SPATA16: variants seen among roughly 807,000 people sequenced by gnomAD.
SPATA16 encodes spermatogenesis associated 16, also known as spermatogenesis-associated protein 16.
In SPATA16, 36 loss-of-function variants were observed where a neutral mutation model predicts 63.3. That is an observed-to-expected ratio of 0.57 (90% CI 0.44 to 0.75). SPATA16 has a LOEUF of 0.75. Among genes scored for constraint, SPATA16 ranks in the 30% least tolerant of loss-of-function variants. SPATA16 has a pLI of 0.00. For missense variants in SPATA16, 646 were observed against 679.3 expected, an observed-to-expected ratio of 0.95 and a Z score of 0.54; for synonymous variants, 203 against 216.7, an observed-to-expected ratio of 0.94 and a Z score of 0.56.
intron 7 of SPATA16, among the ~76,000 whole-genome samples, chr3:172,924,872 G>A (rs73175060): frequency 0.018 from 2,665 of 152,172 alleles, 36 homozygotes; most frequent in South Asian, 0.03. Flanking sequence ...TGAAAGTTTC[G>A]ACTCGGATTA....
chr3:173,063,637 T>C (rs1011426174), intron 2 of SPATA16, among the ~76,000 whole-genome samples: 2 of 152,210 alleles, frequency 1.3e-5, no homozygotes, highest in South Asian at 4.1e-4. Flanking sequence ...GGATAATAAC[T>C]GAGCTTTTAT....
intron 2 of SPATA16, among the ~76,000 whole-genome samples, chr3:173,081,570 G>C (rs1736923540): frequency 6.6e-6 from 1 of 152,124 alleles, no homozygotes; most frequent in African/African-American, 2.4e-5. Context: ...TAACAAGCAG[G>C]GGGCAATTTT....
At chr3:173,072,145 A>G (rs990964322) in intron 2 of SPATA16, among the ~76,000 whole-genome samples, 5 of 152,234 alleles carry the variant, frequency 3.3e-5, no homozygotes, top group Admixed American at 6.5e-5. Context: ...TCACAGTAGC[A>G]AAGACATGGA....
At chr3:172,953,834 T>C (rs1486007379) in intron 6 of SPATA16, among the ~76,000 whole-genome samples, 1 of 152,150 alleles carries the variant, frequency 6.6e-6, no homozygotes, top group East Asian at 1.9e-4. Flanking sequence ...CTGGTGAATG[T>C]GGTTAGATAG....
rs56043835 is a variant in SPATA16, at chr3:172,965,819, G to A, written c.934-8995C>T. On this transcript the variant is annotated intron_variant, in intron 5 of 10. Coordinates refer to ENST00000351008, the MANE Select transcript of SPATA16 (RefSeq NM_031955.6). ...TCTCGATCTCTTGACCTTGTGATCC[G>A]CCCGCCTAGGCCTCCCAAAGTGTTG... is the stretch of plus-strand genomic sequence containing the variant. 4.6e-5 allele frequency among the ~76,000 whole-genome samples: 7 copies of A among 151,960 alleles called. No individual in the cohort carries two copies. The East Asian group carries it at 5.8e-4, about 13-fold the overall frequency.
At chr3:172,974,261 T>C (rs1734107164) in intron 5 of SPATA16, among the ~76,000 whole-genome samples, 1 of 152,142 alleles carries the variant, frequency 6.6e-6, no homozygotes, top group African/African-American at 2.4e-5. Flanking sequence ...GTATGGATTT[T>C]ATAGGGTTGA....
intron 5 of SPATA16, among the ~76,000 whole-genome samples, chr3:172,975,602 A>G (rs1488112014): frequency 2.6e-5 from 4 of 152,128 alleles, no homozygotes; most frequent in Admixed American, 2.6e-4. Flanking sequence ...TTCATCAGCC[A>G]TTACTGCTGT....
intron 3 of SPATA16, among the ~76,000 whole-genome samples, chr3:173,030,054 TTTA>T (rs1735565183): frequency 8.1e-6 from 1 of 123,264 alleles, no homozygotes; most frequent in Non-Finnish European, 1.7e-5. Context: ...GAGTGGTTAC[TTTA>T]CTATCTATCT....
intron 10 of SPATA16, among the ~76,000 whole-genome samples, chr3:172,903,492 C>G (rs568761495): frequency 6.6e-6 from 1 of 152,168 alleles, no homozygotes; most frequent in Non-Finnish European, 1.5e-5. Flanking sequence ...TCAAGACCCC[C>G]TGTGCTGTGA....
At chr3:173,010,610 C>T (rs2108271404) in intron 4 of SPATA16, among the ~76,000 whole-genome samples, 1 of 152,308 alleles carries the variant, frequency 6.6e-6, no homozygotes, top group South Asian at 2.1e-4. Context: ...CTCTAGCTTG[C>T]CGCAACTGCC....
At chr3:173,088,087 C>CTTT (rs543770917) in intron 2 of SPATA16, among the ~76,000 whole-genome samples, 7 of 62,954 alleles carry the variant, frequency 1.1e-4, no homozygotes, top group African/African-American at 3.7e-4. Context: ...TCTGTCTTTT[C>CTTT]TTTTTTTTTT....
chr3:172,917,044 C>G (rs1233093860), intron 8 of SPATA16, among the ~76,000 whole-genome samples: 1 of 152,100 alleles, frequency 6.6e-6, no homozygotes, highest in African/African-American at 2.4e-5. Flanking sequence ...TGACTAGCTT[C>G]CCTCTGTCTA....
chr3:172,940,305 T>A (rs1432062815), intron 6 of SPATA16, among the ~76,000 whole-genome samples: 1 of 152,230 alleles, frequency 6.6e-6, no homozygotes, highest in Non-Finnish European at 1.5e-5. Context: ...TTTGTCATAC[T>A]GAAGCCTTCA....
intron 3 of SPATA16, among the ~76,000 whole-genome samples, chr3:173,020,437 G>A (rs937678329): frequency 6.6e-6 from 1 of 152,102 alleles, no homozygotes; most frequent in Admixed American, 6.6e-5. Flanking sequence ...TGACCCTTTT[G>A]TTAAGGCCTT....
At chr3:173,117,823 C>T (rs1737950438) in intron 1 of SPATA16, 74 bp from the exon 2 acceptor site, 22 of 1,601,956 alleles carry the variant, frequency 1.4e-5, no homozygotes, top group Non-Finnish European at 1.9e-5. Flanking sequence ...TAGTCAAATT[C>T]ATTTTAAACA....
intron 6 of SPATA16, among the ~76,000 whole-genome samples, chr3:172,935,022 A>C (rs1474937453): frequency 1.3e-5 from 2 of 152,210 alleles, no homozygotes; most frequent in Non-Finnish European, 2.9e-5. Context: ...AATGAGAGAT[A>C]TAAACATTGG....
At chr3:172,915,126 A>T (rs1439536373) in intron 9 of SPATA16, among the ~76,000 whole-genome samples, 1 of 152,154 alleles carries the variant, frequency 6.6e-6, no homozygotes, top group Non-Finnish European at 1.5e-5. Context: ...GAATGGCAGG[A>T]TAAACATTTA....
At position 173,048,968 on chromosome 3, in the gene SPATA16, C is replaced by A; in HGVS notation, c.739G>T (p.Ala247Ser). 1 of 1,613,758 alleles carries A rather than the reference C, an allele frequency of 6.2e-7. No homozygotes were observed. The highest frequency in any genetic ancestry group is 1.7e-4 in the Middle Eastern group (1 of 6,060). The change falls in exon 3 of 11, where the codon GCC (alanine) becomes TCC (serine). Residue 247 changes from alanine to serine, a missense_variant. Physicochemically the swap from Ala to Ser is moderately conservative, Grantham distance 99. Transcript: ENST00000351008. ...TTTTACCTGTGTGCATGATTCAGGG[C>A]AAGATCTGGTTTCCTCATCCGTAGA... ...CYLRMRKPDL[A>S]LNHAHRSIVL...
rs191230028 is a variant in SPATA16, at chr3:173,009,180, G to T, written c.848+10306C>A. 2.5e-3 allele frequency among the ~76,000 whole-genome samples: 387 copies of T among 152,292 alleles called. 4 individuals carry two copies. The highest frequency in any genetic ancestry group is 8.8e-3 in the African/African-American group (366 of 41,562). The stretch of plus-strand genomic sequence containing the variant: ...AGACTAGAAGCAGCTAGAGCCTGTG[G>T]CTCCTGGAGAGAAAACAGTGGAGAG... On this transcript the variant is annotated intron_variant, in intron 4 of 10. Coordinates refer to ENST00000351008, the MANE Select transcript of SPATA16 (RefSeq NM_031955.6).
Sources: allele counts gnomAD v4.1 joint callset (sites outside exome capture counted in the v4.1 genomes callset), GRCh38; gene constraint gnomAD v4.1.1; transcripts MANE v1.5; gene names NCBI Gene and HGNC (gene_info 2026-07-23, HGNC 2026-07-21).